Variants in SAMD5 observed in about 807,000 individuals in gnomAD.
The protein encoded by SAMD5 is sterile alpha motif domain containing 5.
SAMD5 carries 13 observed loss-of-function variants against 11.3 expected under a neutral mutation model. The observed-to-expected ratio is 1.15, with a 90% CI of 0.75 to 1.83. The LOEUF (loss-of-function observed/expected upper bound fraction) is 1.83, where lower values mean the gene tolerates loss of function less well. Among genes scored for constraint, SAMD5 ranks in the 40% most tolerant of loss-of-function variants. The pLI is 0.00. For missense variants in SAMD5, 255 were observed against 239.1 expected, an observed-to-expected ratio of 1.07 and a Z score of -0.44; for synonymous variants, 129 against 111.3, an observed-to-expected ratio of 1.16 and a Z score of -1.00.
At chr6:147,821,565 G>T in the SAMD5 span, among the ~76,000 whole-genome samples, 4 of 152,326 alleles carry the variant, frequency 2.6e-5, no homozygotes, top group East Asian at 7.7e-4. Flanking sequence ...GACATGCTGC[G>T]GGGTTCTGCC....
chr6:147,686,710 C>CT (rs36105411), intron 1 of SAMD5, among the ~76,000 whole-genome samples: 64,373 of 149,520 alleles, frequency 0.43, 14,754 homozygotes, highest in East Asian at 0.51. Context: ...TATAACAACT[C>CT]TTTTTTTTTT....
chr6:147,684,865 T>TA (rs1313946934), intron 1 of SAMD5, among the ~76,000 whole-genome samples: 1 of 152,164 alleles, frequency 6.6e-6, no homozygotes, highest in Admixed American at 6.5e-5. Context: ...AAATATATTT[T>TA]AAAAAAATAA....
At chr6:147,693,586 A>G (rs768598778) in intron 1 of SAMD5, among the ~76,000 whole-genome samples, 1 of 152,238 alleles carries the variant, frequency 6.6e-6, no homozygotes. Context: ...ATAAGGCCAC[A>G]GTTCCTGCAA....
the SAMD5 span, among the ~76,000 whole-genome samples, chr6:147,853,166 A>G: frequency 6.6e-6 from 1 of 152,172 alleles, no homozygotes; most frequent in Admixed American, 6.5e-5. Flanking sequence ...TGCCAAGCCA[A>G]GGAAATATAT....
At chr6:147,769,565 A>G in the SAMD5 span, among the ~76,000 whole-genome samples, 2 of 152,208 alleles carry the variant, frequency 1.3e-5, no homozygotes, top group Admixed American at 6.5e-5. Flanking sequence ...ATAGATTATA[A>G]TCATTTGTAC....
chr6:147,737,750 C>T (rs1160457619), downstream of SAMD5, among the ~76,000 whole-genome samples: 2 of 136,700 alleles, frequency 1.5e-5, no homozygotes, highest in Non-Finnish European at 3.1e-5. Flanking sequence ...ATTCTCCCAA[C>T]CAGCCTCTCC....
the SAMD5 span, among the ~76,000 whole-genome samples, chr6:147,749,099 A>G: frequency 7.0e-3 from 1,061 of 151,790 alleles, 16 homozygotes; most frequent in African/African-American, 0.024. Flanking sequence ...TTTGGCTTCT[A>G]TATTATAACT....
chr6:147,627,563 T>C (rs1790076532), intron 1 of SAMD5, among the ~76,000 whole-genome samples: 1 of 152,252 alleles, frequency 6.6e-6, no homozygotes, highest in Non-Finnish European at 1.5e-5. Flanking sequence ...ATTCCCATTC[T>C]GAATGGCATC....
chr6:147,579,260 G>A (rs1789261354), intron 1 of SAMD5, among the ~76,000 whole-genome samples: 2 of 152,126 alleles, frequency 1.3e-5, no homozygotes, highest in Non-Finnish European at 2.9e-5. Context: ...TTACATACTG[G>A]GAAAGTAAAG....
chr6:147,801,772 T>C, the SAMD5 span, among the ~76,000 whole-genome samples: 1 of 152,058 alleles, frequency 6.6e-6, no homozygotes, highest in African/African-American at 2.4e-5. Context: ...AACAAATCAG[T>C]AGAACAGAGT....
At chr6:147,527,699 A>T (rs1427882762) in intron 1 of SAMD5, among the ~76,000 whole-genome samples, 1 of 152,224 alleles carries the variant, frequency 6.6e-6, no homozygotes, top group Non-Finnish European at 1.5e-5. Flanking sequence ...GTCTCATCTC[A>T]GACAAGGCTA....
chr6:147,928,024 T>TAA, the SAMD5 span, among the ~76,000 whole-genome samples: 2 of 152,216 alleles, frequency 1.3e-5, no homozygotes, highest in Non-Finnish European at 2.9e-5. Context: ...GCCTACTTGA[T>TAA]CGTGGTGGAT....
In SAMD5 at chr6:147,578,371, A is replaced by G. The variant is rs149261286; in HGVS notation, c.162+68984A>G. ...ACGTGTCATACCCATTTCCATTCCCACATCCTTGAAGAAGAGTGATCCTAA... is the reference window on the plus strand; with the variant it reads ...ACGTGTCATACCCATTTCCATTCCCGCATCCTTGAAGAAGAGTGATCCTAA... On this transcript the variant is annotated intron_variant, in intron 1 of 1. Coordinates refer to the SAMD5 transcript ENST00000566741. 2.0e-3 allele frequency among the ~76,000 whole-genome samples: 300 copies of G among 152,218 alleles called. 2 individuals carry two copies. Among genetic ancestry groups the G allele is most frequent in the African/African-American group, 6.8e-3 (284 of 41,560 alleles).
intron 1 of SAMD5, among the ~76,000 whole-genome samples, chr6:147,687,468 G>A (rs1186426071): frequency 1.3e-5 from 2 of 151,354 alleles, no homozygotes; most frequent in African/African-American, 4.9e-5. Flanking sequence ...GAAGAGATGG[G>A]ATTTTGCAAT....
chr6:147,577,774 C>A lies in SAMD5; in HGVS notation c.162+68387C>A, dbSNP rs553381347. ...GCATCATTGATATAAACCAAAATAGCCATTTTCATAAGGAAAATAGCCAGG... is the reference window on the plus strand; with the variant it reads ...GCATCATTGATATAAACCAAAATAGACATTTTCATAAGGAAAATAGCCAGG... On this transcript the variant is annotated intron_variant, in intron 1 of 1. Coordinates refer to the SAMD5 transcript ENST00000566741. Among the ~76,000 whole-genome samples the A allele has an allele frequency of 5.7e-4, 87 of 152,154 alleles. 1 individual carries two copies. The highest frequency in any genetic ancestry group is 1.8e-3 in the African/African-American group (76 of 41,536).
Position 147,565,303 on chromosome 6 carries a change from G to A in SAMD5, c.*847G>A, listed in dbSNP as rs1453762322. The A allele has an allele frequency of 1.5e-5, 15 of 985,836 alleles. No homozygotes were observed. The highest frequency in any genetic ancestry group is 1.7e-5 in the African/African-American group (1 of 57,246). The allele number at this position is 985,836 out of a possible 1,614,324, so 61.1% of individuals were successfully genotyped here. Reference sequence around the variant, plus strand: ...TTGCTCTCCAGGCTTCTGACTTCAGGCCTGTGGGGGCCGGGAGGTGGGCAG... The same window carrying A: ...TTGCTCTCCAGGCTTCTGACTTCAGACCTGTGGGGGCCGGGAGGTGGGCAG... On this transcript the variant is annotated 3_prime_UTR_variant, in exon 2 of 2. Transcript: ENST00000367474.
chr6:147,671,255 G>A (rs1790791699), intron 1 of SAMD5, among the ~76,000 whole-genome samples: 1 of 152,076 alleles, frequency 6.6e-6, no homozygotes, highest in African/African-American at 2.4e-5. Context: ...CACCATAGCA[G>A]GTATAATGAA....
At chr6:147,619,330 A>G (rs62434758) in intron 1 of SAMD5, among the ~76,000 whole-genome samples, 9,943 of 152,306 alleles carry the variant, frequency 0.065, 395 homozygotes, top group Middle Eastern at 0.099. Flanking sequence ...AAAACATAGA[A>G]ATGCATTGGG....
chr6:147,594,615 T>C (rs1175336766), intron 1 of SAMD5, among the ~76,000 whole-genome samples: 1 of 152,168 alleles, frequency 6.6e-6, no homozygotes, highest in African/African-American at 2.4e-5. Flanking sequence ...TTCCTTTTAA[T>C]AGTCAAAGGA....
Sources: allele counts gnomAD v4.1 joint callset (sites outside exome capture counted in the v4.1 genomes callset), GRCh38; gene constraint gnomAD v4.1.1; transcripts MANE v1.5; gene names NCBI Gene and HGNC (gene_info 2026-07-23, HGNC 2026-07-21).